The following ERC2 variants were observed in gnomAD, a reference collection of about 807,000 sequenced individuals.
ERC2 encodes ELKS/RAB6-interacting/CAST family member 2, also known as ERC protein 2.
In ERC2, 42 loss-of-function variants were observed where a neutral mutation model predicts 114.8. The observed-to-expected ratio is 0.37, with a 90% CI of 0.29 to 0.47. The LOEUF is 0.47. Ranked by LOEUF, ERC2 falls within the 20% of genes least tolerant of loss-of-function variation. The pLI, the probability that ERC2 is intolerant of heterozygous loss-of-function variation, is 0.99. For synonymous variants in ERC2, 454 were observed against 425.5 expected (o/e 1.07, Z -0.82); for missense variants, 939 against 1,150.7 (o/e 0.82, Z 2.66).
intron 14 of ERC2, among the ~76,000 whole-genome samples, chr3:55,779,508 A>C (rs1639257963): frequency 6.6e-6 from 1 of 151,998 alleles, no homozygotes; most frequent in Admixed American, 6.6e-5. Context: ...CTCAAAAAAA[A>C]AAAAGTTCTG....
chr3:55,811,595 C>A (rs2059722723), intron 14 of ERC2, among the ~76,000 whole-genome samples: 1 of 152,198 alleles, frequency 6.6e-6, no homozygotes, highest in Admixed American at 6.5e-5. Context: ...TTTCTTGCCA[C>A]CTAGCCTTTG....
intron 17 of ERC2, among the ~76,000 whole-genome samples, chr3:55,650,632 A>G (rs1454209509): frequency 6.6e-6 from 1 of 152,124 alleles, no homozygotes; most frequent in Non-Finnish European, 1.5e-5. Context: ...CTTCATATTT[A>G]CTGCTTGTTT....
chr3:56,108,093 G>A (rs914659092), intron 6 of ERC2, among the ~76,000 whole-genome samples: 1 of 152,144 alleles, frequency 6.6e-6, no homozygotes, highest in Non-Finnish European at 1.5e-5. Flanking sequence ...TTTAGCCTAA[G>A]ACACTTTATT....
chr3:55,985,905 G>T, intron 12 of ERC2, 72 bp downstream of exon 12: 2 of 1,343,888 alleles, frequency 1.5e-6, no homozygotes, highest in Non-Finnish European at 2.1e-6. Flanking sequence ...AAATGTGTTT[G>T]TTAAACAAGT....
chr3:56,301,532 C>T (rs907567045), intron 2 of ERC2, among the ~76,000 whole-genome samples: 2 of 151,982 alleles, frequency 1.3e-5, no homozygotes, highest in African/African-American at 4.8e-5. Context: ...TCTCTTCTTT[C>T]TCATTGTTCT....
intron 7 of ERC2, among the ~76,000 whole-genome samples, chr3:56,060,407 G>A (rs1230669715): frequency 6.6e-6 from 1 of 152,154 alleles, no homozygotes; most frequent in Admixed American, 6.5e-5. Flanking sequence ...GTTGTCATTA[G>A]GATTAAAAGA....
intron 4 of ERC2, among the ~76,000 whole-genome samples, chr3:56,157,791 C>G (rs1033495098): frequency 1.8e-4 from 27 of 151,960 alleles, no homozygotes; most frequent in African/African-American, 5.8e-4. Context: ...TCAGGCCACC[C>G]CAAGTCACCA....
At chr3:56,376,059 C>G (rs1329157774) in intron 2 of ERC2, among the ~76,000 whole-genome samples, 1 of 152,200 alleles carries the variant, frequency 6.6e-6, no homozygotes, top group Non-Finnish European at 1.5e-5. Flanking sequence ...CCCAGTCAAG[C>G]TTTCAGATGA....
At chr3:56,084,056 G>A (rs116928378) in intron 6 of ERC2, among the ~76,000 whole-genome samples, 1,988 of 151,980 alleles carry the variant, frequency 0.013, 33 homozygotes, top group African/African-American at 0.029. Context: ...AATGATACAA[G>A]AATGCCATAA....
chr3:55,935,295 AC>A (rs2149411250), intron 13 of ERC2, among the ~76,000 whole-genome samples: 1 of 152,318 alleles, frequency 6.6e-6, no homozygotes, highest in South Asian at 2.1e-4. Flanking sequence ...GGAAGTGAAT[AC>A]CAGTTCCACG....
At chr3:56,138,305 C>T (rs1575559050) in intron 6 of ERC2, among the ~76,000 whole-genome samples, 1 of 152,158 alleles carries the variant, frequency 6.6e-6, no homozygotes, top group East Asian at 1.9e-4. Context: ...CGTGATCCAC[C>T]CGCCTTGGCC....
intron 17 of ERC2, among the ~76,000 whole-genome samples, chr3:55,634,167 CA>C (rs1417410517): frequency 6.6e-6 from 1 of 152,190 alleles, no homozygotes; most frequent in Non-Finnish European, 1.5e-5. Context: ...ATGCAGGTCA[CA>C]GAATGCCCCA....
intron 3 of ERC2, among the ~76,000 whole-genome samples, chr3:56,262,313 C>T (rs2052992810): frequency 1.3e-5 from 2 of 152,214 alleles, no homozygotes; most frequent in South Asian, 4.1e-4. Flanking sequence ...ACATGGCACA[C>T]ACTCAATGAA....
intron 7 of ERC2, among the ~76,000 whole-genome samples, chr3:56,056,943 T>C (rs1221508292): frequency 6.6e-6 from 1 of 152,160 alleles, no homozygotes; most frequent in Non-Finnish European, 1.5e-5. Flanking sequence ...ACCATGATCA[T>C]GTTCATTACA....
intron 3 of ERC2, among the ~76,000 whole-genome samples, chr3:56,176,800 T>C (rs1399231317): frequency 1.3e-5 from 2 of 152,316 alleles, no homozygotes; most frequent in African/African-American, 4.8e-5. Context: ...CAAGGAAGGT[T>C]TGTGCTCCTC....
intron 17 of ERC2, among the ~76,000 whole-genome samples, chr3:55,665,582 A>C (rs1265937795): frequency 1.3e-5 from 2 of 152,152 alleles, no homozygotes; most frequent in Non-Finnish European, 2.9e-5. Context: ...TGCATCTACA[A>C]GCCAAGGAAC....
chr3:55,734,986 T>G, intron 14 of ERC2, 68 bp from the exon 15 acceptor site: 1 of 1,425,790 alleles, frequency 7.0e-7, no homozygotes, highest in South Asian at 1.5e-5. Flanking sequence ...TTGGCATTTA[T>G]AGTTGAAATG....
At chr3:56,363,791 G>A (rs2150566262) in intron 2 of ERC2, among the ~76,000 whole-genome samples, 1 of 134,968 alleles carries the variant, frequency 7.4e-6, no homozygotes, top group East Asian at 2.6e-4. Flanking sequence ...TTGAAAGAAG[G>A]AAAGAGGGAA....
intron 2 of ERC2, among the ~76,000 whole-genome samples, chr3:56,416,049 T>C (rs2061140436): frequency 1.3e-5 from 2 of 152,198 alleles, no homozygotes; most frequent in African/African-American, 4.8e-5. Flanking sequence ...GAAACAATTG[T>C]ATTCAGTATG....
Sources: gnomAD v4.1 joint callset for allele counts (sites outside exome capture counted in the v4.1 genomes callset) on GRCh38, gnomAD v4.1.1 for gene constraint, MANE v1.5 for transcripts, NCBI Gene and HGNC (gene_info 2026-07-23, HGNC 2026-07-21) for gene names.